Variants in CCDC3 observed in about 807,000 individuals in gnomAD.
The protein encoded by CCDC3 is coiled-coil domain-containing protein 3.
Under a neutral mutation model 21.4 loss-of-function variants are expected in CCDC3, and 24 were observed. That is an observed-to-expected ratio of 1.12 (90% CI 0.81 to 1.58). CCDC3 has a LOEUF of 1.58. CCDC3 is among the 40% of genes most tolerant of loss of function. CCDC3 has a pLI of 0.00. For missense variants in CCDC3, 425 were observed against 360.9 expected, an observed-to-expected ratio of 1.18 and a Z score of -1.44; for synonymous variants, 186 against 166.0, an observed-to-expected ratio of 1.12 and a Z score of -0.93.
At chr10:13,079,045 C>T (rs1289339611) in intron 3 of CCDC3, among the ~76,000 whole-genome samples, 1 of 152,222 alleles carries the variant, frequency 6.6e-6, no homozygotes, top group African/African-American at 2.4e-5. Context: ...CTTCTTTATT[C>T]AGGTGTGTTG....
chr10:13,061,964 T>A (rs937526941), intron 4 of CCDC3, among the ~76,000 whole-genome samples: 2 of 151,310 alleles, frequency 1.3e-5, no homozygotes, highest in African/African-American at 4.9e-5. Flanking sequence ...AGATGTAAAT[T>A]TCCCCCCCAC....
chr10:13,052,714 C>T (rs1588407276), intron 4 of CCDC3, among the ~76,000 whole-genome samples: 1 of 151,888 alleles, frequency 6.6e-6, no homozygotes, highest in South Asian at 2.1e-4. Flanking sequence ...CTGAGGCAGG[C>T]GGATCACTTG....
intron 2 of CCDC3, among the ~76,000 whole-genome samples, chr10:12,923,606 T>C (rs1834488008): frequency 6.6e-6 from 1 of 152,164 alleles, no homozygotes; most frequent in Non-Finnish European, 1.5e-5. Flanking sequence ...AATGATGTGA[T>C]ATTTTGTGAT....
At chr10:13,071,731 T>C (rs10906293) in intron 4 of CCDC3, among the ~76,000 whole-genome samples, 49,309 of 152,106 alleles carry the variant, frequency 0.32, 8,309 homozygotes, top group African/African-American at 0.39. Context: ...TGTTTGCTAG[T>C]AAGAGAAAGG....
At chr10:12,987,928 G>T (rs1057285062) in intron 2 of CCDC3, among the ~76,000 whole-genome samples, 6 of 152,196 alleles carry the variant, frequency 3.9e-5, no homozygotes, top group Non-Finnish European at 4.4e-5. Context: ...TGCCTAGACA[G>T]TTCCAGTGGT....
intron 5 of CCDC3, among the ~76,000 whole-genome samples, chr10:13,009,400 A>G (rs1019430850): frequency 1.3e-5 from 2 of 152,202 alleles, no homozygotes; most frequent in African/African-American, 4.8e-5. Flanking sequence ...GGACTTTTTG[A>G]TAAAAATTGA....
At chr10:13,075,039 C>G (rs904210599) in intron 3 of CCDC3, among the ~76,000 whole-genome samples, 2 of 152,156 alleles carry the variant, frequency 1.3e-5, no homozygotes, top group Non-Finnish European at 2.9e-5. Context: ...CAATCGTAGG[C>G]GGGGAACATC....
chr10:12,904,336 G>A (rs955935549), intron 2 of CCDC3, among the ~76,000 whole-genome samples: 12 of 151,780 alleles, frequency 7.9e-5, no homozygotes, highest in Non-Finnish European at 1.0e-4. Flanking sequence ...CGGCATAGTG[G>A]TGCACATCTG....
At chr10:13,019,576 G>T (rs1215564530) in intron 5 of CCDC3, among the ~76,000 whole-genome samples, 2 of 152,140 alleles carry the variant, frequency 1.3e-5, no homozygotes, top group Non-Finnish European at 2.9e-5. Context: ...AAGAATATCT[G>T]TTTTTTCCTT....
At chr10:12,987,446 C>T (rs192432320) in intron 2 of CCDC3, among the ~76,000 whole-genome samples, 1 of 152,058 alleles carries the variant, frequency 6.6e-6, no homozygotes, top group Non-Finnish European at 1.5e-5. Flanking sequence ...AGTATGTTAC[C>T]TTTTTTTAAA....
intron 2 of CCDC3, among the ~76,000 whole-genome samples, chr10:12,994,579 C>T (rs774127934): frequency 6.6e-6 from 1 of 151,948 alleles, no homozygotes; most frequent in African/African-American, 2.4e-5. Flanking sequence ...GGAGTGTTAG[C>T]GTGTTCTGAT....
chr10:12,932,738 CCTGATCTTAG>C (rs1331265123), intron 2 of CCDC3, among the ~76,000 whole-genome samples: 1 of 152,040 alleles, frequency 6.6e-6, no homozygotes, highest in Non-Finnish European at 1.5e-5. Context: ...TTGCCTTGTT[CCTGATCTTAG>C]CGGGAAAGCT....
intron 2 of CCDC3, among the ~76,000 whole-genome samples, chr10:12,929,707 C>T (rs1834609031): frequency 6.6e-6 from 1 of 152,180 alleles, no homozygotes; most frequent in African/African-American, 2.4e-5. Flanking sequence ...GGCCCCAAAG[C>T]CGAGCCCATT....
intron 2 of CCDC3, among the ~76,000 whole-genome samples, chr10:12,929,261 C>CAA (rs10609537): frequency 7.7e-5 from 8 of 104,572 alleles, no homozygotes; most frequent in Non-Finnish European, 9.6e-5. Context: ...GATTCCATCT[C>CAA]AAAAAAAAAA....
intron 2 of CCDC3, among the ~76,000 whole-genome samples, chr10:12,984,052 C>T (rs1835548299): frequency 6.6e-6 from 1 of 152,128 alleles, no homozygotes; most frequent in Admixed American, 6.5e-5. Context: ...TGCACTCTAG[C>T]CTGGGTGACA....
Position 12,935,243 on chromosome 10 carries a change from G to T in CCDC3, c.550-36564C>A, listed in dbSNP as rs142818467. On this transcript the variant is annotated intron_variant, in intron 2 of 2. Coordinates refer to ENST00000378825, the MANE Select transcript of CCDC3 (RefSeq NM_031455.4). ...ATTTGGGTCTTGTTTGTTTGAGACAGAATTTTGCTCTGTCACCCAGGCTGG... is the reference window on the plus strand; with the variant it reads ...ATTTGGGTCTTGTTTGTTTGAGACATAATTTTGCTCTGTCACCCAGGCTGG... Among the ~76,000 whole-genome samples, 220 of 152,266 alleles carry T rather than the reference G, an allele frequency of 1.4e-3. 1 individual carries two copies. The highest frequency in any genetic ancestry group is 4.8e-3 in the African/African-American group (200 of 41,550).
intron 5 of CCDC3, among the ~76,000 whole-genome samples, chr10:13,021,519 A>G (rs985904256): frequency 6.6e-6 from 1 of 152,220 alleles, no homozygotes; most frequent in African/African-American, 2.4e-5. Context: ...TGCTAAATCT[A>G]TTCTGCCCAG....
At chr10:12,996,616 A>G (rs1007658543) in intron 2 of CCDC3, among the ~76,000 whole-genome samples, 5 of 152,084 alleles carry the variant, frequency 3.3e-5, no homozygotes, top group African/African-American at 9.7e-5. Context: ...GATTACAGAC[A>G]TATGTCAAAG....
At chr10:13,037,428 T>A (rs1006034733) in intron 5 of CCDC3, among the ~76,000 whole-genome samples, 85 of 152,178 alleles carry the variant, frequency 5.6e-4, no homozygotes, top group Admixed American at 1.3e-4. Flanking sequence ...TTCCCCAAAT[T>A]TCTAAAATAA....
Sources: gnomAD v4.1 joint callset for allele counts (sites outside exome capture counted in the v4.1 genomes callset) on GRCh38, gnomAD v4.1.1 for gene constraint, MANE v1.5 for transcripts, NCBI Gene and HGNC (gene_info 2026-07-23, HGNC 2026-07-21) for gene names.